The following CNTNAP2 variants were observed in gnomAD, a reference collection of about 807,000 sequenced individuals.
CNTNAP2 encodes the protein contactin-associated protein-like 2.
A neutral mutation model predicts 155.2 loss-of-function variants in CNTNAP2; 98 were observed. That is an observed-to-expected ratio of 0.63 (90% CI 0.54 to 0.75). The LOEUF (loss-of-function observed/expected upper bound fraction) is 0.75. Among genes scored for constraint, CNTNAP2 ranks in the 30% least tolerant of loss-of-function variants. The pLI is 0.00. For missense variants in CNTNAP2, 1,727 were observed against 1,688.1 expected, an observed-to-expected ratio of 1.02 and a Z score of -0.40; for synonymous variants, 651 against 631.2, an observed-to-expected ratio of 1.03 and a Z score of -0.47.
intron 12 of CNTNAP2, among the ~76,000 whole-genome samples, chr7:147,563,432 C>A (rs1800104012): frequency 6.6e-6 from 1 of 151,948 alleles, no homozygotes; most frequent in Admixed American, 6.6e-5. Flanking sequence ...AGGTCGAGAC[C>A]ATTCTGGCCA....
intron 8 of CNTNAP2, among the ~76,000 whole-genome samples, chr7:147,278,812 GT>G (rs975275625): frequency 5.3e-5 from 8 of 151,096 alleles, no homozygotes; most frequent in African/African-American, 1.9e-4. Flanking sequence ...ATAATGTTAA[GT>G]AATAAAACTT....
At chr7:146,613,264 A>G (rs1009676406) in intron 1 of CNTNAP2, among the ~76,000 whole-genome samples, 1 of 152,186 alleles carries the variant, frequency 6.6e-6, no homozygotes, top group Admixed American at 6.5e-5. Context: ...GGCCACACAA[A>G]GGCTCTGGCA....
intron 3 of CNTNAP2, among the ~76,000 whole-genome samples, chr7:146,969,038 A>G (rs957726601): frequency 3.3e-5 from 5 of 149,948 alleles, no homozygotes; most frequent in Non-Finnish European, 7.4e-5. Flanking sequence ...TTCAAAGAAC[A>G]TCTTTATTTC....
intron 9 of CNTNAP2, among the ~76,000 whole-genome samples, chr7:147,344,188 C>T (rs1197533532): frequency 2.0e-5 from 3 of 152,120 alleles, no homozygotes; most frequent in East Asian, 3.9e-4. Context: ...TTGCCAGTAG[C>T]GCTGATTTAG....
chr7:148,061,178 A>C (rs1343670516), intron 15 of CNTNAP2, among the ~76,000 whole-genome samples: 1 of 151,762 alleles, frequency 6.6e-6, no homozygotes, highest in Admixed American at 6.6e-5. Context: ...CATCAAAATT[A>C]ATGTGTTTTA....
chr7:147,925,292 G>GCACA (rs71183036), intron 14 of CNTNAP2, among the ~76,000 whole-genome samples: 171 of 143,216 alleles, frequency 1.2e-3, no homozygotes, highest in Middle Eastern at 7.4e-3. Flanking sequence ...AAGCGCGCGC[G>GCACA]CACACACACA....
At chr7:148,034,866 A>G (rs1333129319) in intron 15 of CNTNAP2, among the ~76,000 whole-genome samples, 1 of 152,182 alleles carries the variant, frequency 6.6e-6, no homozygotes, top group Non-Finnish European at 1.5e-5. Flanking sequence ...AAATATGGAC[A>G]ATAAAGGGCA....
intron 1 of CNTNAP2, among the ~76,000 whole-genome samples, chr7:146,602,211 A>G (rs1175759253): frequency 2.0e-5 from 3 of 152,136 alleles, no homozygotes; most frequent in African/African-American, 7.2e-5. Flanking sequence ...ATATGCGGCT[A>G]TAGAGGGAAA....
chr7:147,455,310 A>G (rs577725878), intron 10 of CNTNAP2, among the ~76,000 whole-genome samples: 1 of 152,280 alleles, frequency 6.6e-6, no homozygotes, highest in East Asian at 1.9e-4. Context: ...TAGCAGAACA[A>G]AGGTACAATT....
chr7:147,077,437 GACTC>G, intron 4 of CNTNAP2, among the ~76,000 whole-genome samples: 1 of 152,068 alleles, frequency 6.6e-6, no homozygotes, highest in East Asian at 1.9e-4. Context: ...AAAAGGAAAA[GACTC>G]AAAGCAACAC....
At position 148,420,678 on chromosome 7, in the gene CNTNAP2, G is replaced by A. The variant is rs1800094930; in HGVS notation, c.*5062G>A. 1 of 152,496 alleles carries A rather than the reference G, an allele frequency of 6.6e-6. No individual in the cohort carries two copies. Among genetic ancestry groups the A allele is most frequent in the South Asian group, 2.1e-4 (1 of 4,818 alleles). 9.4% of individuals were successfully genotyped at this position (152,496 alleles called of 1,614,324 possible). A position where few individuals can be genotyped will look rare whatever the true frequency, so the allele number is the denominator to read the frequency against. ...AAATATGGAAGTTCCTCTCAAGTAG[G>A]CCAAGAAACAGTTCTAGATTTTACT... On this transcript the variant is annotated 3_prime_UTR_variant, in exon 24 of 24. Coordinates refer to ENST00000361727, the MANE Select transcript of CNTNAP2 (RefSeq NM_014141.6).
intron 2 of CNTNAP2, among the ~76,000 whole-genome samples, chr7:146,822,502 CAG>C (rs1405345748): frequency 2.7e-5 from 4 of 150,678 alleles, no homozygotes; most frequent in African/African-American, 9.7e-5. Flanking sequence ...AAAAAAAACT[CAG>C]ACATTTGTCC....
At chr7:147,379,735 T>C (rs1391692485) in intron 9 of CNTNAP2, among the ~76,000 whole-genome samples, 2 of 152,064 alleles carry the variant, frequency 1.3e-5, no homozygotes, top group Non-Finnish European at 2.9e-5. Flanking sequence ...GAATTTAGCA[T>C]TTTTAGGTTT....
chr7:146,448,525 A>G (rs935183246), intron 1 of CNTNAP2, among the ~76,000 whole-genome samples: 4 of 148,880 alleles, frequency 2.7e-5, no homozygotes, highest in African/African-American at 9.9e-5. Flanking sequence ...TTTTTTTATT[A>G]TACTTTAAGT....
intron 16 of CNTNAP2, among the ~76,000 whole-genome samples, chr7:148,122,841 G>A (rs1804627595): frequency 6.7e-6 from 1 of 149,102 alleles, no homozygotes; most frequent in South Asian, 2.1e-4. Flanking sequence ...AGAGCACAGA[G>A]CAAGAATACA....
intron 1 of CNTNAP2, among the ~76,000 whole-genome samples, chr7:146,770,944 T>A (rs1335285554): frequency 1.3e-5 from 2 of 152,148 alleles, no homozygotes; most frequent in African/African-American, 4.8e-5. Context: ...TGAGCTAGCC[T>A]GATTGAGCAG....
At chr7:146,769,843 G>A (rs940367390) in intron 1 of CNTNAP2, among the ~76,000 whole-genome samples, 6 of 152,114 alleles carry the variant, frequency 3.9e-5, no homozygotes, top group African/African-American at 1.4e-4. Flanking sequence ...TGCATGATGT[G>A]TAACTGTGCT....
At chr7:147,371,311 A>G (rs1796334395) in intron 9 of CNTNAP2, among the ~76,000 whole-genome samples, 1 of 152,164 alleles carries the variant, frequency 6.6e-6, no homozygotes, top group African/African-American at 2.4e-5. Flanking sequence ...TGATTTTCTA[A>G]GAAGAAACCC....
rs568095831 is a variant in CNTNAP2, at chr7:147,495,993, C to T, written c.1777+9952C>T. On this transcript the variant is annotated intron_variant, in intron 11 of 23. Transcript: ENST00000361727. ...CGAATGCTATTGTGAACTGTGCATG[C>T]GAGGGATGTAGGTTGCATGTTCCTT... Among the ~76,000 whole-genome samples the T allele has an allele frequency of 5.9e-5, 9 of 152,148 alleles. No individual in the cohort carries two copies. The South Asian group carries it at 6.2e-4, about 11-fold the overall frequency.
Sources: gnomAD v4.1 joint callset for allele counts (sites outside exome capture counted in the v4.1 genomes callset) on GRCh38, gnomAD v4.1.1 for gene constraint, MANE v1.5 for transcripts, NCBI Gene and HGNC (gene_info 2026-07-23, HGNC 2026-07-21) for gene names.